ST18: variants seen among roughly 807,000 people sequenced by gnomAD.
ST18 encodes suppression of tumorigenicity 18 protein.
A neutral mutation model predicts 110.0 loss-of-function variants in ST18; 50 were observed. That is an observed-to-expected ratio of 0.45 (90% CI 0.36 to 0.58). The LOEUF (loss-of-function observed/expected upper bound fraction) is 0.58. ST18 is among the 20% of genes least tolerant of loss of function. The pLI is 0.00. For missense variants in ST18, 1,306 were observed against 1,280.1 expected (o/e 1.02, Z -0.31); for synonymous variants, 461 against 452.4 (o/e 1.02, Z -0.24).
intron 2 of ST18, among the ~76,000 whole-genome samples, chr8:52,328,328 G>C (rs1376264700): frequency 6.6e-6 from 1 of 152,196 alleles, no homozygotes; most frequent in East Asian, 1.9e-4. Context: ...ACATTAGTAG[G>C]ATGAAGAGAC....
intron 2 of ST18, among the ~76,000 whole-genome samples, chr8:52,353,902 T>C (rs1194428500): frequency 1.3e-5 from 2 of 152,208 alleles, no homozygotes; most frequent in Admixed American, 1.3e-4. Flanking sequence ...AGGTTATGTA[T>C]ATTGGCCCAT....
chr8:52,168,843 G>A (rs1033725793), intron 10 of ST18, among the ~76,000 whole-genome samples: 2 of 152,120 alleles, frequency 1.3e-5, no homozygotes, highest in Non-Finnish European at 2.9e-5. Flanking sequence ...TAGACCACTA[G>A]GTCCAAATTC....
At chr8:52,378,087 A>T (rs962451759) in intron 2 of ST18, among the ~76,000 whole-genome samples, 1 of 152,184 alleles carries the variant, frequency 6.6e-6, no homozygotes, top group Non-Finnish European at 1.5e-5. Flanking sequence ...TAGAGAATAA[A>T]ATGGTGATTA....
intron 17 of ST18, among the ~76,000 whole-genome samples, chr8:52,141,634 T>C (rs1284004702): frequency 7.7e-6 from 1 of 129,130 alleles, no homozygotes; most frequent in Non-Finnish European, 1.5e-5. Context: ...TGAAGGCCTC[T>C]CACATAAGTG....
intron 8 of ST18, among the ~76,000 whole-genome samples, chr8:52,207,685 G>A (rs187046451): frequency 1.0e-3 from 153 of 152,164 alleles, no homozygotes; most frequent in African/African-American, 3.5e-3. Flanking sequence ...TGACAAATTG[G>A]TACACAGCAA....
chr8:52,333,192 G>T (rs1810407195), intron 2 of ST18, among the ~76,000 whole-genome samples: 1 of 151,850 alleles, frequency 6.6e-6, no homozygotes, highest in Non-Finnish European at 1.5e-5. Context: ...GTATTAAAGA[G>T]GAAATTCTTC....
intron 19 of ST18, among the ~76,000 whole-genome samples, chr8:52,134,398 T>TC (rs1269648581): frequency 6.6e-6 from 1 of 152,134 alleles, no homozygotes; most frequent in Non-Finnish European, 1.5e-5. Context: ...TTTTAGAAAA[T>TC]CCCCAATACA....
chr8:52,409,367 C>T lies in ST18; in HGVS notation c.-504G>A, dbSNP rs1303960964. 3 of 152,204 alleles carry T rather than the reference C, an allele frequency of 2.0e-5. No homozygotes were observed. The highest frequency in any genetic ancestry group is 4.4e-5 in the Non-Finnish European group (3 of 68,030). The allele number at this position is 152,204 out of a possible 1,614,324, so 9.4% of individuals were successfully genotyped here. A position where few individuals can be genotyped will look rare whatever the true frequency, so the allele number is the denominator to read the frequency against. ...CGTCTACAGGTGTGTCGAAAGTTAT[C>T]TTTTCCTGGATGTGTTCCAAAATGC... On this transcript the variant is annotated 5_prime_UTR_variant, in exon 2 of 26. Coordinates refer to ENST00000689386, the MANE Select transcript of ST18 (RefSeq NM_001352837.2).
At chr8:52,361,690 G>A (rs941425170) in intron 2 of ST18, among the ~76,000 whole-genome samples, 11 of 151,992 alleles carry the variant, frequency 7.2e-5, no homozygotes, top group Non-Finnish European at 1.3e-4. Flanking sequence ...ACAGCTAAAC[G>A]ATGCTAAGAA....
chr8:52,370,465 GA>G (rs1272110514), intron 2 of ST18, among the ~76,000 whole-genome samples: 1 of 152,080 alleles, frequency 6.6e-6, no homozygotes, highest in Non-Finnish European at 1.5e-5. Flanking sequence ...GAACTGCTTA[GA>G]GGGGGGAAGC....
At chr8:52,176,045 G>A (rs1431792670) in intron 9 of ST18, among the ~76,000 whole-genome samples, 3 of 150,454 alleles carry the variant, frequency 2.0e-5, no homozygotes, top group Non-Finnish European at 4.4e-5. Flanking sequence ...TTTTTTAGAC[G>A]GAGTCTCCCT....
intron 2 of ST18, among the ~76,000 whole-genome samples, chr8:52,280,395 T>G: frequency 6.6e-6 from 1 of 152,060 alleles, no homozygotes; most frequent in East Asian, 1.9e-4. Flanking sequence ...TTATAATCTA[T>G]GTACACATGA....
At chr8:52,382,505 T>C (rs138428161) in intron 2 of ST18, among the ~76,000 whole-genome samples, 1 of 152,340 alleles carries the variant, frequency 6.6e-6, no homozygotes, top group Admixed American at 6.5e-5. Flanking sequence ...ATTGACTTTG[T>C]AGTGTTTCAA....
chr8:52,373,444 G>A (rs544506337), intron 2 of ST18, among the ~76,000 whole-genome samples: 2 of 152,130 alleles, frequency 1.3e-5, no homozygotes, highest in South Asian at 2.1e-4. Flanking sequence ...ATGTGCAGGC[G>A]ATGCTTCCCA....
At chr8:52,291,070 C>T (rs905639583) in intron 2 of ST18, among the ~76,000 whole-genome samples, 2 of 152,222 alleles carry the variant, frequency 1.3e-5, no homozygotes, top group African/African-American at 4.8e-5. Context: ...CCATTGAGTT[C>T]AGCATAGCAT....
At chr8:52,231,760 CTG>C (rs757801626) in intron 2 of ST18, among the ~76,000 whole-genome samples, 1,557 of 152,364 alleles carry the variant, frequency 0.01, 14 homozygotes, top group Admixed American at 0.016. Flanking sequence ...CAGGTGTGAG[CTG>C]CAGTGCCCGG....
Position 52,164,041 on chromosome 8 carries a change from C to T in ST18, c.1345G>A (p.Asp449Asn), listed in dbSNP as rs1180624281. 3.1e-6 allele frequency: 5 copies of T among 1,614,040 alleles called. No individual in the cohort carries two copies. The highest frequency in any genetic ancestry group is 4.2e-6 in the Non-Finnish European group (5 of 1,180,030). Residue 449 changes from aspartate (D) to asparagine (N), a missense_variant, in exon 13 of 26, where the codon GAT (aspartate) becomes AAT (asparagine). Asp to Asn is a conservative substitution (Grantham distance 23, BLOSUM62 1). Transcript: ENST00000689386. ...AAAEKLAMSQ[D>N]KNQLDSPQTG... ...TGGGGAGAATCAAGCTGATTTTTAT[C>T]CTGGGACATTGCCAATTTTTCAGCT...
In ST18 at chr8:52,120,636, T is replaced by C. The variant is rs182776916; in HGVS notation, c.2756-2195A>G. On this transcript the variant is annotated intron_variant, in intron 23 of 25. Coordinates refer to ENST00000689386, the MANE Select transcript of ST18 (RefSeq NM_001352837.2). ...GAAAGTGAATGATGGGAGCAGGCCA[T>C]GGGGACATCCTGGGAGCTTAGGTTT... Among the ~76,000 whole-genome samples, 125 of 152,254 alleles carry C rather than the reference T, an allele frequency of 8.2e-4. 1 individual carries two copies. The highest frequency in any genetic ancestry group is 2.7e-3 in the African/African-American group (111 of 41,552).
At chr8:52,374,095 G>A (rs1435222111) in intron 2 of ST18, among the ~76,000 whole-genome samples, 1 of 152,104 alleles carries the variant, frequency 6.6e-6, no homozygotes, top group Non-Finnish European at 1.5e-5. Context: ...ACTTCCAGAG[G>A]CTCTGTACTG....
Sources: allele counts gnomAD v4.1 joint callset (sites outside exome capture counted in the v4.1 genomes callset), GRCh38; gene constraint gnomAD v4.1.1; transcripts MANE v1.5; gene names NCBI Gene and HGNC (gene_info 2026-07-23, HGNC 2026-07-21).